The following FGD4 variants were observed in gnomAD, a reference collection of about 807,000 sequenced individuals.
FGD4 encodes the protein FYVE, RhoGEF and PH domain containing 4, also known as FYVE, RhoGEF and PH domain-containing protein 4.
In FGD4, 42 loss-of-function variants were observed where a neutral mutation model predicts 102.0. The observed-to-expected ratio is 0.41, with a 90% CI of 0.32 to 0.53. The LOEUF (loss-of-function observed/expected upper bound fraction) is 0.53, where lower values mean the gene tolerates loss of function less well. FGD4 is among the 20% of genes least tolerant of loss of function. The pLI is 0.21. For missense variants in FGD4, 902 were observed against 1,078.2 expected (o/e 0.84, Z 2.29); for synonymous variants, 380 against 375.7 (o/e 1.01, Z -0.13).
At chr12:32,546,405 A>G (rs1032421780) in intron 1 of FGD4, among the ~76,000 whole-genome samples, 2 of 152,250 alleles carry the variant, frequency 1.3e-5, no homozygotes, top group African/African-American at 4.8e-5. Flanking sequence ...ACCTGACAAC[A>G]GGGCCCTCAG....
chr12:32,523,007 A>AGG (rs1471191083), intron 1 of FGD4, among the ~76,000 whole-genome samples: 7 of 151,128 alleles, frequency 4.6e-5, no homozygotes, highest in Admixed American at 3.9e-4. Flanking sequence ...TCTTCAGTGA[A>AGG]GGAGGTAGCT....
At chr12:32,620,520 C>CTTTTTTTT (rs1233071153) in intron 11 of FGD4, among the ~76,000 whole-genome samples, 3 of 91,128 alleles carry the variant, frequency 3.3e-5, no homozygotes, top group African/African-American at 4.6e-5. Flanking sequence ...TTTTTTCTTT[C>CTTTTTTTT]TTTTTTTTTT....
chr12:32,515,125 C>T (rs1029874501), intron 1 of FGD4, among the ~76,000 whole-genome samples: 5 of 152,158 alleles, frequency 3.3e-5, no homozygotes, highest in African/African-American at 9.7e-5. Flanking sequence ...TTTAAAGGAA[C>T]TTATTAAAAT....
intron 16 of FGD4, 40 bp downstream of exon 16, chr12:32,638,835 G>A (rs1474857738): frequency 3.7e-6 from 6 of 1,612,896 alleles, no homozygotes; most frequent in Non-Finnish European, 4.2e-6. Flanking sequence ...AGATGCCCTT[G>A]GGGGCAAGGG....
chr12:32,485,838 C>T (rs1231207109), intron 1 of FGD4: 1 of 1,193,862 alleles, frequency 8.4e-7, no homozygotes. Context: ...TAGTCCACCC[C>T]CGGTATTCTA....
chr12:32,489,123 T>C (rs1375750980), intron 1 of FGD4, among the ~76,000 whole-genome samples: 2 of 152,238 alleles, frequency 1.3e-5, no homozygotes, highest in Non-Finnish European at 2.9e-5. Context: ...CATCTCAGCC[T>C]CTTCTCTTTT....
At chr12:32,583,977 A>G (rs898172704) in intron 4 of FGD4, among the ~76,000 whole-genome samples, 1 of 152,204 alleles carries the variant, frequency 6.6e-6, no homozygotes, top group Non-Finnish European at 1.5e-5. Context: ...AAAATATTCT[A>G]ATTGGTGATG....
intron 1 of FGD4, among the ~76,000 whole-genome samples, chr12:32,447,365 T>A (rs1189661284): frequency 6.6e-6 from 1 of 152,248 alleles, no homozygotes; most frequent in East Asian, 1.9e-4. Context: ...TGGACTTTCA[T>A]GTTTTAGAAC....
At chr12:32,577,139 T>C (rs1946191393) in intron 3 of FGD4, among the ~76,000 whole-genome samples, 1 of 152,140 alleles carries the variant, frequency 6.6e-6, no homozygotes, top group South Asian at 2.1e-4. Flanking sequence ...AGAACCCACA[T>C]AAGTTGCTTT....
At chr12:32,489,576 C>G (rs751063720) in intron 1 of FGD4, among the ~76,000 whole-genome samples, 12 of 152,120 alleles carry the variant, frequency 7.9e-5, no homozygotes, top group Non-Finnish European at 1.6e-4. Flanking sequence ...TTATAATTAT[C>G]TTGATTTTAC....
intron 1 of FGD4, among the ~76,000 whole-genome samples, chr12:32,540,843 G>T (rs1056613878): frequency 1.3e-5 from 2 of 152,054 alleles, no homozygotes; most frequent in South Asian, 4.1e-4. Context: ...GGGATTACAG[G>T]CAAGATTGAT....
At chr12:32,492,322 T>A (rs1944126157) in intron 1 of FGD4, among the ~76,000 whole-genome samples, 1 of 136,758 alleles carries the variant, frequency 7.3e-6, no homozygotes, top group Non-Finnish European at 1.6e-5. Flanking sequence ...CCCAACTACC[T>A]GGCATGATTG....
At chr12:32,496,615 T>C (rs1036882692) in intron 1 of FGD4, among the ~76,000 whole-genome samples, 1 of 152,192 alleles carries the variant, frequency 6.6e-6, no homozygotes, top group Non-Finnish European at 1.5e-5. Flanking sequence ...TATTTTACAC[T>C]CCACACGTAT....
At position 32,582,247 on chromosome 12, in the gene FGD4, T is replaced by C. The variant is rs1330505359; in HGVS notation, c.791T>C (p.Ile264Thr). 1 of 1,614,034 alleles carries C rather than the reference T, an allele frequency of 6.2e-7. No homozygotes were observed. Among genetic ancestry groups the C allele is most frequent in the African/African-American group, 1.3e-5 (1 of 74,900 alleles). ...QASEPLLDTH[I>T]VNGERDETAT... ...TCTGAACCCTTGCTTGATACGCACA[T>C]AGTGAATGGAGAAAGAGATGAAACT... The change falls in exon 4 of 17, where the codon ATA (isoleucine) becomes ACA (threonine). Residue 264 changes from isoleucine (I) to threonine (T), a missense_variant. Transcript: ENST00000534526.
In FGD4 at chr12:32,627,555, G is replaced by C. The variant is rs1434005869; in HGVS notation, c.2172+1776G>C. On this transcript the variant is annotated intron_variant, in intron 14 of 16. Coordinates refer to ENST00000534526, the MANE Select transcript of FGD4 (RefSeq NM_001370298.3). ...GGAGATGGGGAGATTCAAGAAAGAGGACTAAGTGTGAAGATTTTCTCTGGG... is the reference window on the plus strand; with the variant it reads ...GGAGATGGGGAGATTCAAGAAAGAGCACTAAGTGTGAAGATTTTCTCTGGG... 3.9e-5 allele frequency among the ~76,000 whole-genome samples: 6 copies of C among 152,146 alleles called. No homozygotes were observed. In the South Asian group the frequency reaches 6.2e-4, roughly 16 times the overall value.
At chr12:32,600,301 C>T (rs897454593) in intron 5 of FGD4, 6 of 284,116 alleles carry the variant, frequency 2.1e-5, no homozygotes, top group South Asian at 1.4e-4. Flanking sequence ...CCAAATAACT[C>T]GTCAGCCACT....
At chr12:32,600,760 C>T (rs188675261) in intron 5 of FGD4, among the ~76,000 whole-genome samples, 3 of 152,152 alleles carry the variant, frequency 2.0e-5, no homozygotes, top group Admixed American at 2.0e-4. Context: ...TTATTATGCA[C>T]TTGTTCTGTT....
At position 32,483,122 on chromosome 12, in the gene FGD4, T is replaced by G. The variant is rs142188708; in HGVS notation, c.167-81015T>G. ...TTTATTTTTAGCCACATGATAATTT[T>G]TGTGTGTGTGTGTGGGTAGAATACT... On this transcript the variant is annotated intron_variant, in intron 1 of 16. Transcript: ENST00000534526. Among the ~76,000 whole-genome samples, 606 of 152,090 alleles carry G rather than the reference T, an allele frequency of 4.0e-3. 4 individuals carry two copies. Among genetic ancestry groups the G allele is most frequent in the African/African-American group, 0.014 (567 of 41,492 alleles).
chr12:32,496,508 G>C (rs535353325), intron 1 of FGD4, among the ~76,000 whole-genome samples: 9 of 152,222 alleles, frequency 5.9e-5, no homozygotes, highest in Admixed American at 5.2e-4. Context: ...AGAAAAAGGG[G>C]TAGCATATGC....
Sources: gnomAD v4.1 joint callset for allele counts (sites outside exome capture counted in the v4.1 genomes callset) on GRCh38, gnomAD v4.1.1 for gene constraint, MANE v1.5 for transcripts, NCBI Gene and HGNC (gene_info 2026-07-23, HGNC 2026-07-21) for gene names.